CPNE8: variants seen among roughly 807,000 people sequenced by gnomAD.
The protein encoded by CPNE8 is copine-8.
In CPNE8, 45 loss-of-function variants were observed where a neutral mutation model predicts 81.5. The observed-to-expected ratio is 0.55, with a 90% CI of 0.44 to 0.71. The LOEUF (loss-of-function observed/expected upper bound fraction) is 0.71, where lower values mean the gene tolerates loss of function less well. Ranked by LOEUF, CPNE8 falls within the 30% of genes least tolerant of loss-of-function variation. The probability of loss-of-function intolerance (pLI) is 0.00; values close to 1 mark genes in which losing one functional copy is unlikely to be tolerated. For synonymous variants in CPNE8, 252 were observed against 226.3 expected (o/e 1.11, Z -1.02); for missense variants, 594 against 672.1 (o/e 0.88, Z 1.28).
chr12:38,685,218 T>A (rs993855985), intron 16 of CPNE8, among the ~76,000 whole-genome samples: 1 of 152,204 alleles, frequency 6.6e-6, no homozygotes, highest in African/African-American at 2.4e-5. Flanking sequence ...ATGGATGCCT[T>A]TTCCTAAGAA....
intron 6 of CPNE8, among the ~76,000 whole-genome samples, chr12:38,815,713 G>A (rs1041748095): frequency 1.3e-5 from 2 of 151,934 alleles, no homozygotes; most frequent in Admixed American, 6.6e-5. Context: ...TCTGTTACCC[G>A]GTAATTTTTA....
At chr12:38,722,493 C>A (rs1440080528) in intron 13 of CPNE8, among the ~76,000 whole-genome samples, 1 of 152,174 alleles carries the variant, frequency 6.6e-6, no homozygotes, top group Non-Finnish European at 1.5e-5. Context: ...TCCCCCCACT[C>A]CCTCAACCCC....
intron 6 of CPNE8, among the ~76,000 whole-genome samples, chr12:38,815,262 T>G (rs1294796872): frequency 1.3e-5 from 2 of 152,192 alleles, no homozygotes; most frequent in South Asian, 2.1e-4. Context: ...CTCCAAATAT[T>G]ATGAATAACT....
intron 6 of CPNE8, among the ~76,000 whole-genome samples, chr12:38,813,245 G>C (rs989347496): frequency 3.3e-5 from 5 of 152,126 alleles, no homozygotes; most frequent in Admixed American, 2.0e-4. Flanking sequence ...TGCATAATGA[G>C]ACCATACACA....
At chr12:38,904,693 T>A (rs1944539790) in intron 1 of CPNE8, among the ~76,000 whole-genome samples, 2 of 152,032 alleles carry the variant, frequency 1.3e-5, no homozygotes, top group African/African-American at 4.8e-5. Context: ...GGTCTCGAAC[T>A]CCTGACCTCG....
intron 16 of CPNE8, among the ~76,000 whole-genome samples, chr12:38,683,454 T>C (rs764274595): frequency 2.0e-5 from 3 of 152,130 alleles, no homozygotes; most frequent in East Asian, 3.9e-4. Context: ...TTAAGAGTTA[T>C]ATAAAGCAAG....
chr12:38,710,370 C>T (rs1367295769), intron 13 of CPNE8, among the ~76,000 whole-genome samples: 1 of 151,172 alleles, frequency 6.6e-6, no homozygotes, highest in East Asian at 1.9e-4. Context: ...TAATGCCTGC[C>T]TAGTAGGAAG....
chr12:38,766,760 T>C lies in CPNE8; in HGVS notation c.575+875A>G, dbSNP rs113165253. Among the ~76,000 whole-genome samples, 821 of 152,150 alleles carry C rather than the reference T, an allele frequency of 5.4e-3. 9 individuals are homozygous for C. The highest frequency in any genetic ancestry group is 0.019 in the African/African-American group (790 of 41,524). On this transcript the variant is annotated intron_variant, in intron 8 of 19. Coordinates refer to ENST00000331366, the MANE Select transcript of CPNE8 (RefSeq NM_153634.3). Reference sequence around the variant, plus strand: ...TCTTTAGCTGATATATTACACATAGTTAAAAAAACAAAAAAGAAAATATTA... The same window carrying C: ...TCTTTAGCTGATATATTACACATAGCTAAAAAAACAAAAAAGAAAATATTA...
chr12:38,727,001 T>C (rs1265058851), intron 11 of CPNE8, among the ~76,000 whole-genome samples: 3 of 152,204 alleles, frequency 2.0e-5, no homozygotes, highest in Admixed American at 1.3e-4. Flanking sequence ...ATAAATACAG[T>C]AGCATCCGTC....
intron 10 of CPNE8, among the ~76,000 whole-genome samples, chr12:38,758,855 G>T (rs1190728001): frequency 6.6e-6 from 1 of 152,130 alleles, no homozygotes; most frequent in Non-Finnish European, 1.5e-5. Context: ...AAATAGATTG[G>T]AGACAATAGG....
intron 10 of CPNE8, among the ~76,000 whole-genome samples, chr12:38,753,400 T>A (rs1941392510): frequency 6.6e-6 from 1 of 152,100 alleles, no homozygotes; most frequent in Admixed American, 6.6e-5. Flanking sequence ...TGCAGTGAGC[T>A]GAGATCACAC....
intron 1 of CPNE8, among the ~76,000 whole-genome samples, chr12:38,900,256 T>C (rs900104405): frequency 6.6e-6 from 1 of 152,096 alleles, no homozygotes; most frequent in African/African-American, 2.4e-5. Context: ...AAATAATTAG[T>C]GTGTATAACC....
intron 14 of CPNE8, among the ~76,000 whole-genome samples, chr12:38,695,968 C>T (rs1440580466): frequency 1.3e-5 from 2 of 152,022 alleles, no homozygotes; most frequent in Non-Finnish European, 1.5e-5. Context: ...AACAAACAAA[C>T]GAATACTTCC....
intron 15 of CPNE8, among the ~76,000 whole-genome samples, chr12:38,687,333 A>AAACACCAT (rs972546030): frequency 4.6e-5 from 7 of 150,862 alleles, no homozygotes; most frequent in African/African-American, 1.5e-4. Flanking sequence ...TCAATTTCTT[A>AAACACCAT]AACACCATTA....
At chr12:38,709,507 T>G (rs942734212) in intron 13 of CPNE8, among the ~76,000 whole-genome samples, 2 of 152,206 alleles carry the variant, frequency 1.3e-5, no homozygotes, top group Non-Finnish European at 2.9e-5. Flanking sequence ...GAAAAAACTA[T>G]TCAATCTTCT....
chr12:38,654,328 C>T (rs562929655), intron 19 of CPNE8, among the ~76,000 whole-genome samples: 1 of 151,816 alleles, frequency 6.6e-6, no homozygotes, highest in East Asian at 2.0e-4. Flanking sequence ...CCAGCCTGAC[C>T]AACATGGTGA....
rs763672342 is a variant in CPNE8, at chr12:38,653,996, G to A, written c.1581C>T (p.Val527=). 2.5e-6 allele frequency: 4 copies of A among 1,613,640 alleles called. No individual in the cohort carries two copies. The highest frequency in any genetic ancestry group is 3.4e-6 in the Non-Finnish European group (4 of 1,179,888). ...ILSMARLAKD[V]LAEIPEQFLS... ...GAAACTGCTCAGGGATCTCAGCTAG[G>A]ACATCTTTAGCCAATCTAGCCATGC... is the stretch of plus-strand genomic sequence containing the variant. The change falls in exon 20 of 20, where the codon GTC becomes GTT. Residue 527 remains valine (V), a synonymous_variant. Coordinates refer to ENST00000331366, the MANE Select transcript of CPNE8 (RefSeq NM_153634.3).
chr12:38,824,149 T>C (rs569708905), intron 6 of CPNE8, among the ~76,000 whole-genome samples: 2 of 152,264 alleles, frequency 1.3e-5, no homozygotes, highest in Admixed American at 6.5e-5. Context: ...CTAAAAATTA[T>C]TGAACATCAA....
At chr12:38,780,212 A>C (rs1419656006) in intron 6 of CPNE8, among the ~76,000 whole-genome samples, 3 of 152,144 alleles carry the variant, frequency 2.0e-5, no homozygotes, top group African/African-American at 7.2e-5. Context: ...GTAAAAAATC[A>C]GTTGACTATA....
Sources: allele counts gnomAD v4.1 joint callset (sites outside exome capture counted in the v4.1 genomes callset), GRCh38; gene constraint gnomAD v4.1.1; transcripts MANE v1.5; gene names NCBI Gene and HGNC (gene_info 2026-07-23, HGNC 2026-07-21).